The following TJP3 variants were observed in gnomAD, a reference collection of about 807,000 sequenced individuals.
The protein encoded by TJP3 is tight junction protein 3.
A neutral mutation model predicts 104.2 loss-of-function variants in TJP3; 85 were observed. The observed-to-expected ratio is 0.82, with a 90% confidence interval of 0.68 to 0.98. The LOEUF (loss-of-function observed/expected upper bound fraction) is 0.98, where lower values mean the gene tolerates loss of function less well. TJP3 is among the 50% of genes least tolerant of loss of function. The pLI is 0.00. For synonymous variants in TJP3, 550 were observed against 550.6 expected, an observed-to-expected ratio of 1.00 and a Z score of 0.02; for missense variants, 1,367 against 1,322.8, an observed-to-expected ratio of 1.03 and a Z score of -0.52.
Position 3,744,041 on chromosome 19 carries a change from A to G in TJP3, c.1939+7A>G, listed in dbSNP as rs370835190. 2 of 1,613,292 alleles carry G rather than the reference A, an allele frequency of 1.2e-6. No individual in the cohort carries two copies. Among genetic ancestry groups the G allele is most frequent in the African/African-American group, 2.7e-5 (2 of 74,920 alleles). On this transcript the variant is annotated splice_region_variant and intron_variant, in intron 15 of 20. Coordinates refer to ENST00000541714, the MANE Select transcript of TJP3 (RefSeq NM_001267560.2). Reference sequence around the variant, plus strand: ...GACCAGTTTGAAATCGCAGGTGAGAAGCCAGATCCTCTGGAAACCTCGTTG... The same window carrying G: ...GACCAGTTTGAAATCGCAGGTGAGAGGCCAGATCCTCTGGAAACCTCGTTG...
At chr19:3,748,432 C>T (rs564724406) in intron 19 of TJP3, among the ~76,000 whole-genome samples, 9 of 149,014 alleles carry the variant, frequency 6.0e-5, no homozygotes, top group Middle Eastern at 3.7e-3. Flanking sequence ...CCACCATGCC[C>T]GGCTAATTTT....
intron 14 of TJP3, among the ~76,000 whole-genome samples, chr19:3,742,119 CAAT>C (rs2036830039): frequency 6.6e-6 from 1 of 152,018 alleles, no homozygotes; most frequent in African/African-American, 2.4e-5. Flanking sequence ...AAAGAAATAG[CAAT>C]AATAATAATT....
chr19:3,749,374 CT>C (rs1301321881), intron 19 of TJP3, among the ~76,000 whole-genome samples: 1 of 151,916 alleles, frequency 6.6e-6, no homozygotes, highest in African/African-American at 2.4e-5. Flanking sequence ...GGGTCTTGCC[CT>C]GCTGCCCAGG....
chr19:3,730,048 T>C lies in TJP3; in HGVS notation c.179T>C (p.Met60Thr). ...GRLQTGDHIVMVNGVSMENAT... is the reference protein window; with the variant it reads ...GRLQTGDHIVTVNGVSMENAT... Reference sequence around the variant, plus strand: ...CTCAGGACAGGCGACCACATCGTCATGGTGAACGGGGTTTCCATGGAGAAT... The same window carrying C: ...CTCAGGACAGGCGACCACATCGTCACGGTGAACGGGGTTTCCATGGAGAAT... The change falls in exon 4 of 21, where the codon ATG becomes ACG. Residue 60 changes from methionine (M) to threonine (T), a missense_variant. By Grantham distance (81) the Met-to-Thr change is moderately conservative. Coordinates refer to ENST00000541714, the MANE Select transcript of TJP3 (RefSeq NM_001267560.2). This position sits in a 1 kb window ranked among gnomAD's most constrained non-coding sequence, Gnocchi z 7.3. The C allele has an allele frequency of 6.2e-7, 1 of 1,614,024 alleles. No individual in the cohort carries two copies. Among genetic ancestry groups the C allele is most frequent in the Non-Finnish European group, 8.5e-7 (1 of 1,179,992 alleles).
rs2036985608 is a variant in TJP3, at chr19:3,750,800, G to A, written c.*116G>A. The A allele has an allele frequency of 9.5e-7, 1 of 1,050,150 alleles. No homozygotes were observed. The highest frequency in any genetic ancestry group is 1.4e-6 in the Non-Finnish European group (1 of 706,070). 65.1% of individuals were successfully genotyped at this position (1,050,150 alleles called of 1,614,324 possible). The stretch of plus-strand genomic sequence containing the variant: ...CTCCGCCTGGTCTTTAATAAACAGA[G>A]TATTTTCACAGCACCGGCTTCTAGT... On this transcript the variant is annotated 3_prime_UTR_variant, in exon 21 of 21. Coordinates refer to ENST00000541714, the MANE Select transcript of TJP3 (RefSeq NM_001267560.2).
chr19:3,740,552 G>A lies in TJP3; in HGVS notation c.1632G>A (p.Arg544=). Residue 544 remains arginine (R), a splice_region_variant and synonymous_variant, in exon 14 of 21, where the codon AGG becomes AGA. Coordinates refer to ENST00000541714, the MANE Select transcript of TJP3 (RefSeq NM_001267560.2). ...QERGIIPNQS[R]AEQLASLEAA... ...CAGTACTGTCCCCTCTTCTCCCCAG[G>A]GCGGAGCAGCTGGCCAGCCTGGAAG... The A allele has an allele frequency of 6.8e-7, 1 of 1,467,532 alleles. No individual in the cohort carries two copies. Among genetic ancestry groups the A allele is most frequent in the Non-Finnish European group, 9.0e-7 (1 of 1,109,730 alleles). The allele number at this position is 1,467,532 out of a possible 1,614,324, so 90.9% of individuals were successfully genotyped here.
chr19:3,748,848 CTTTTTTTTTT>C (rs71166925), intron 19 of TJP3, among the ~76,000 whole-genome samples: 45 of 48,840 alleles, frequency 9.2e-4, no homozygotes, highest in African/African-American at 4.3e-3. Context: ...TGCACCCGGC[CTTTTTTTTTT>C]TTTTTTTTTT....
chr19:3,740,209 C>T (rs879643198), intron 13 of TJP3, among the ~76,000 whole-genome samples: 1 of 151,214 alleles, frequency 6.6e-6, no homozygotes, highest in African/African-American at 2.4e-5. Context: ...TCCAACCTGG[C>T]GACGGAGCGA....
At chr19:3,722,742 G>A (rs993588372) in intron 1 of TJP3, among the ~76,000 whole-genome samples, 2 of 151,642 alleles carry the variant, frequency 1.3e-5, no homozygotes, top group African/African-American at 4.8e-5. Flanking sequence ...GGCACTTCTG[G>A]TTCCCGCTGA....
At chr19:3,749,432 T>C (rs1270152433) in intron 19 of TJP3, among the ~76,000 whole-genome samples, 1 of 152,162 alleles carries the variant, frequency 6.6e-6, no homozygotes, top group Non-Finnish European at 1.5e-5. Flanking sequence ...CTCCAACTCC[T>C]GAGCTAAAGG....
intron 6 of TJP3, among the ~76,000 whole-genome samples, chr19:3,733,008 CTCTTT>C (rs1174609172): frequency 6.9e-6 from 1 of 144,598 alleles, no homozygotes; most frequent in East Asian, 2.1e-4. Context: ...GTTTTCTTTT[CTCTTT>C]TCTTTTCTCT....
At chr19:3,724,697 C>T (rs976809069) in intron 1 of TJP3, among the ~76,000 whole-genome samples, 39 of 152,126 alleles carry the variant, frequency 2.6e-4, no homozygotes, top group African/African-American at 9.2e-4. Flanking sequence ...CCACCATGCC[C>T]GGCTAATTTT....
In TJP3 at chr19:3,716,966, CTT is replaced by C. The variant is rs59845215; in HGVS notation, c.-10+8420_-10+8421del. On this transcript the variant is annotated intron_variant, in intron 1 of 20. Coordinates refer to ENST00000541714, the MANE Select transcript of TJP3 (RefSeq NM_001267560.2). The stretch of plus-strand genomic sequence containing the variant: ...GGCGGGTGCCAACACGCCCAGGTGA[CTT>C]TTTTTTTTTTTTTTGAGACGGAGTT... Among the ~76,000 whole-genome samples the C allele has an allele frequency of 3.0e-4, 35 of 115,334 alleles. 1 individual carries two copies. The South Asian group carries it at 3.4e-3, about 11-fold the overall frequency. 75.7% of individuals were successfully genotyped at this position (115,334 alleles called of 152,430 possible).
At chr19:3,732,617 C>T (rs972527753) in intron 6 of TJP3, among the ~76,000 whole-genome samples, 2 of 151,652 alleles carry the variant, frequency 1.3e-5, no homozygotes, top group African/African-American at 4.8e-5. Flanking sequence ...TCAGGTGATT[C>T]TCCTGCCTTA....
intron 19 of TJP3, among the ~76,000 whole-genome samples, chr19:3,748,961 C>T (rs1364426731): frequency 2.1e-5 from 3 of 144,490 alleles, no homozygotes; most frequent in Non-Finnish European, 3.0e-5. Flanking sequence ...TGTGTTCAAG[C>T]GTTTCTCCTC....
At chr19:3,712,544 GT>G (rs1322934800) in intron 1 of TJP3, among the ~76,000 whole-genome samples, 1 of 152,086 alleles carries the variant, frequency 6.6e-6, no homozygotes, top group Non-Finnish European at 1.5e-5. Context: ...CGGGATCCCC[GT>G]TTTACAGATG....
chr19:3,713,547 C>T (rs1266573865), intron 1 of TJP3, among the ~76,000 whole-genome samples: 1 of 152,050 alleles, frequency 6.6e-6, no homozygotes, highest in East Asian at 1.9e-4. Context: ...TGCGGAGAGA[C>T]GTGAATAAAG....
At chr19:3,719,192 T>G (rs554519718) in intron 1 of TJP3, among the ~76,000 whole-genome samples, 1 of 151,972 alleles carries the variant, frequency 6.6e-6, no homozygotes, top group South Asian at 2.1e-4. Context: ...TGGGGGGTGG[T>G]GGACATCGCT....
At chr19:3,718,237 G>C (rs2036506687) in intron 1 of TJP3, among the ~76,000 whole-genome samples, 1 of 128,076 alleles carries the variant, frequency 7.8e-6, no homozygotes, top group South Asian at 2.6e-4. Context: ...GTGTGTGTGT[G>C]TGTGTGTGTG....
Sources: gnomAD v4.1 joint callset for allele counts (sites outside exome capture counted in the v4.1 genomes callset) on GRCh38, gnomAD v4.1.1 for gene constraint, Gnocchi (gnomAD v3.1) non-coding constraint, MANE v1.5 for transcripts, NCBI Gene and HGNC (gene_info 2026-07-23, HGNC 2026-07-21) for gene names.